The following GSG1 variants were observed in gnomAD, a reference collection of about 807,000 sequenced individuals.
The protein encoded by GSG1 is germ cell associated 1, also known as germ cell-specific gene 1 protein.
Under a neutral mutation model 30.8 loss-of-function variants are expected in GSG1, and 28 were observed. That is an observed-to-expected ratio of 0.91 (90% CI 0.67 to 1.25). The LOEUF is 1.25. GSG1 is among the 50% of genes most tolerant of loss of function. GSG1 has a pLI of 0.00. For synonymous variants in GSG1, 162 were observed against 178.0 expected (o/e 0.91, Z 0.71); for missense variants, 435 against 444.7 (o/e 0.98, Z 0.20).
rs899729817 is a variant in GSG1, at chr12:13,093,363, T to C, written c.49-2545A>G. ...TAACAAAGTGAGCTATTGGTGTCCT[T>C]TTCCCTGCATTACAGATTCCTCTGA... On this transcript the variant is annotated intron_variant, in intron 1 of 6. Coordinates refer to ENST00000651961, the MANE Select transcript of GSG1 (RefSeq NM_001080555.4). This position sits in a 1 kb window ranked among gnomAD's most constrained non-coding sequence, Gnocchi z 4.6. Among the ~76,000 whole-genome samples, 1 of 152,204 alleles carries C rather than the reference T, an allele frequency of 6.6e-6. No homozygotes were observed. The highest frequency in any genetic ancestry group is 1.5e-5 in the Non-Finnish European group (1 of 68,036).
At position 13,084,662 on chromosome 12, in the gene GSG1, A is replaced by G. The variant is rs1324573094; in HGVS notation, c.*239T>C. 1 of 396,642 alleles carries G rather than the reference A, an allele frequency of 2.5e-6. No homozygotes were observed. Among genetic ancestry groups the G allele is most frequent in the East Asian group, 3.8e-5 (1 of 26,286 alleles). 24.6% of individuals were successfully genotyped at this position (396,642 alleles called of 1,614,324 possible). A position where few individuals can be genotyped will look rare whatever the true frequency, so the allele number is the denominator to read the frequency against. On this transcript the variant is annotated 3_prime_UTR_variant, in exon 7 of 7. Coordinates refer to ENST00000651961, the MANE Select transcript of GSG1 (RefSeq NM_001080555.4). The stretch of plus-strand genomic sequence containing the variant: ...AGAACCTGGCACAGAAACTATCAGT[A>G]AAGAAGGGAATTCTGGATGTGTGAG...
At position 13,084,686 on chromosome 12, in the gene GSG1, A is replaced by T; in HGVS notation, c.*215T>A. 3 of 440,980 alleles carry T rather than the reference A, an allele frequency of 6.8e-6. No individual in the cohort carries two copies. The highest frequency in any genetic ancestry group is 5.8e-4 in the Middle Eastern group (1 of 1,736). The allele number at this position is 440,980 out of a possible 1,614,324, so 27.3% of individuals were successfully genotyped here. The stretch of plus-strand genomic sequence containing the variant: ...TAAAGAAGGGAATTCTGGATGTGTG[A>T]GATGTGGGGTGGGTGAAACAAGATG... On this transcript the variant is annotated 3_prime_UTR_variant, in exon 7 of 7. Transcript: ENST00000651961.
At chr12:13,097,967 G>A (rs1862855794) in intron 1 of GSG1, among the ~76,000 whole-genome samples, 1 of 152,224 alleles carries the variant, frequency 6.6e-6, no homozygotes. Flanking sequence ...AGTTGCTTCG[G>A]ATCCTGCTTT....
chr12:13,089,740 A>G (rs1358510738), intron 2 of GSG1, among the ~76,000 whole-genome samples: 3 of 152,228 alleles, frequency 2.0e-5, no homozygotes, highest in Non-Finnish European at 4.4e-5. Flanking sequence ...ACAAATGAGC[A>G]AATCAAGACC....
intron 1 of GSG1, chr12:13,095,662 A>G (rs182338763): frequency 2.5e-6 from 4 of 1,613,964 alleles, no homozygotes; most frequent in African/African-American, 2.7e-5. Context: ...CTGCACTCCA[A>G]GTCCCTTTGG....
chr12:13,099,760 T>TTTTTTG (rs1863047178), intron 1 of GSG1, among the ~76,000 whole-genome samples: 1 of 110,294 alleles, frequency 9.1e-6, no homozygotes. Context: ...GTTTTTTTTT[T>TTTTTTG]TTTTTTTTGT....
chr12:13,085,340 C>G, intron 6 of GSG1, 97 bp from the exon 7 acceptor site: 32 of 1,120,248 alleles, frequency 2.9e-5, no homozygotes, highest in Non-Finnish European at 3.9e-5. Flanking sequence ...TAGCTTATTG[C>G]CTTGTAGGGA....
chr12:13,095,512 G>C, intron 1 of GSG1: 1 of 1,228,380 alleles, frequency 8.1e-7, no homozygotes, highest in Admixed American at 1.7e-5. Flanking sequence ...ACAACAGATC[G>C]ATGAGGCAGG....
chr12:13,084,572 A>G lies in GSG1; in HGVS notation c.*329T>C. ...CTCCAATTTCCAGACCAATAACTAG[A>G]TGTATCAGATCCTTAAGGTCGGGAA... On this transcript the variant is annotated 3_prime_UTR_variant, in exon 7 of 7. Coordinates refer to ENST00000651961, the MANE Select transcript of GSG1 (RefSeq NM_001080555.4). The G allele has an allele frequency of 5.4e-6, 1 of 186,174 alleles. No homozygotes were observed. 11.5% of individuals were successfully genotyped at this position (186,174 alleles called of 1,614,324 possible). A position where few individuals can be genotyped will look rare whatever the true frequency, so the allele number is the denominator to read the frequency against.
rs762192462 is a variant in GSG1, at chr12:13,085,127, G to A, written c.863C>T (p.Pro288Leu). The change falls in exon 7 of 7, where the codon CCG (proline) becomes CTG (leucine). Residue 288 changes from proline (P) to leucine (L), a missense_variant. Coordinates refer to ENST00000651961, the MANE Select transcript of GSG1 (RefSeq NM_001080555.4). ...CKHSKSFKEN[P>L]NCLPHHHQCF... Reference sequence around the variant, plus strand: ...CTGATGGTGATGTGGTAGGCAGTTCGGGTTTTCCTTGAAGCTCTTACTATG... The same window carrying A: ...CTGATGGTGATGTGGTAGGCAGTTCAGGTTTTCCTTGAAGCTCTTACTATG... 8 of 1,614,056 alleles carry A rather than the reference G, an allele frequency of 5.0e-6. No homozygotes were observed. The highest frequency in any genetic ancestry group is 1.1e-5 in the South Asian group (1 of 91,074).
intron 1 of GSG1, among the ~76,000 whole-genome samples, chr12:13,096,562 G>A (rs1222778092): frequency 2.0e-5 from 3 of 152,014 alleles, no homozygotes; most frequent in Non-Finnish European, 4.4e-5. Context: ...TGGGGATGTG[G>A]CAAAGATGCA....
At chr12:13,091,288 A>G (rs1866112991) in intron 1 of GSG1, among the ~76,000 whole-genome samples, 1 of 152,210 alleles carries the variant, frequency 6.6e-6, no homozygotes, top group South Asian at 2.1e-4. Flanking sequence ...GTGTGACTGT[A>G]GGTCATAAGA....
Position 13,101,110 on chromosome 12 carries a change from G to A in GSG1, c.48+2355C>T, listed in dbSNP as rs1863159580. Among the ~76,000 whole-genome samples the A allele has an allele frequency of 6.6e-6, 1 of 152,176 alleles. No individual in the cohort carries two copies. Among genetic ancestry groups the A allele is most frequent in the Non-Finnish European group, 1.5e-5 (1 of 68,030 alleles). On this transcript the variant is annotated intron_variant, in intron 1 of 6. Transcript: ENST00000651961. This position sits in a 1 kb window ranked among gnomAD's most constrained non-coding sequence, Gnocchi z 5.8. ...GCAGCCACATCTGCACATCCTGTGG[G>A]GCAATCGCTCACGCGCGGGTGACGG...
At position 13,103,447 on chromosome 12, in the gene GSG1, C is replaced by T; in HGVS notation, c.48+18G>A. ...TGTGTATGAGATGTTCATGAGATTT[C>T]AAAATCACTGTACCTACCTCCTGGG... On this transcript the variant is annotated intron_variant, in intron 1 of 6. Coordinates refer to ENST00000651961, the MANE Select transcript of GSG1 (RefSeq NM_001080555.4). 1.2e-6 allele frequency: 2 copies of T among 1,601,888 alleles called. No individual in the cohort carries two copies. The highest frequency in any genetic ancestry group is 1.7e-6 in the Non-Finnish European group (2 of 1,168,884).
intron 1 of GSG1, among the ~76,000 whole-genome samples, chr12:13,098,204 C>A (rs746710289): frequency 4.2e-4 from 64 of 151,674 alleles, no homozygotes; most frequent in Non-Finnish European, 8.8e-4. Context: ...CATCACAACG[C>A]TGGGTGGCGC....
rs1282457357 is a variant in GSG1, at chr12:13,093,545, A to G, written c.49-2727T>C. Among the ~76,000 whole-genome samples, 1 of 152,192 alleles carries G rather than the reference A, an allele frequency of 6.6e-6. No homozygotes were observed. Among genetic ancestry groups the G allele is most frequent in the Non-Finnish European group, 1.5e-5 (1 of 68,022 alleles). ...TGGGGCTTATGGTTCTGGGAGAGGT[A>G]GCAGTCGGGCCCAGCTTCCATCCAC... On this transcript the variant is annotated intron_variant, in intron 1 of 6. Transcript: ENST00000651961. This position sits in a 1 kb window ranked among gnomAD's most constrained non-coding sequence, Gnocchi z 4.6.
At position 13,084,871 on chromosome 12, in the gene GSG1, T is replaced by A; in HGVS notation, c.*30A>T. Reference sequence around the variant, plus strand: ...AATCAGCAGACGTGTAAGGTAGGGCTCAAGCCTACTCCCCAAACCCGCTTA... The same window carrying A: ...AATCAGCAGACGTGTAAGGTAGGGCACAAGCCTACTCCCCAAACCCGCTTA... On this transcript the variant is annotated 3_prime_UTR_variant, in exon 7 of 7. Transcript: ENST00000651961. The A allele has an allele frequency of 2.1e-6, 3 of 1,433,260 alleles. No homozygotes were observed. The highest frequency in any genetic ancestry group is 2.8e-6 in the Non-Finnish European group (3 of 1,053,988). 88.8% of individuals were successfully genotyped at this position (1,433,260 alleles called of 1,614,324 possible).
chr12:13,088,126 A>AT lies in GSG1; in HGVS notation c.482-68dup. On this transcript the variant is annotated intron_variant, in intron 4 of 6. Transcript: ENST00000651961. ...TTAAAAAACTGAATAAGCGGTGAGC[A>AT]TAGGATGCCTATTAGGAGTTAAGAC... The AT allele has an allele frequency of 1.9e-6, 3 of 1,571,652 alleles. No individual in the cohort carries two copies. In the Admixed American group the frequency reaches 5.1e-5, roughly 27 times the overall value.
In GSG1 at chr12:13,101,058, C is replaced by A. The variant is rs1308632563; in HGVS notation, c.48+2407G>T. 6.6e-6 allele frequency among the ~76,000 whole-genome samples: 1 copy of A among 152,206 alleles called. No individual in the cohort carries two copies. Among genetic ancestry groups the A allele is most frequent in the Non-Finnish European group, 1.5e-5 (1 of 68,046 alleles). ...AGAGGAAGCCGCCTTTCTTCCAGGC[C>A]CCAAGCAGCTGGAGTGAATCAGAGG... On this transcript the variant is annotated intron_variant, in intron 1 of 6. Transcript: ENST00000651961. The surrounding 1 kb of genome is among the most constrained non-coding windows in gnomAD (Gnocchi z 5.8).
Sources: allele counts gnomAD v4.1 joint callset (sites outside exome capture counted in the v4.1 genomes callset), GRCh38; gene constraint gnomAD v4.1.1; non-coding constraint Gnocchi (gnomAD v3.1); transcripts MANE v1.5; gene names NCBI Gene and HGNC (gene_info 2026-07-23, HGNC 2026-07-21).